ZNF671: variants seen among roughly 807,000 people sequenced by gnomAD.
ZNF671 encodes the protein zinc finger protein 671, also known as hypothetical protein FLJ23506.
Under a neutral mutation model 16.6 loss-of-function variants are expected in ZNF671, and 19 were observed. That is an observed-to-expected ratio of 1.14 (90% CI 0.80 to 1.68). The LOEUF (loss-of-function observed/expected upper bound fraction) is 1.68, where lower values mean the gene tolerates loss of function less well. Ranked by LOEUF, ZNF671 falls within the 40% of genes most tolerant of loss-of-function variation. The pLI is 0.00. For missense variants in ZNF671, 637 were observed against 659.8 expected (o/e 0.97, Z 0.38); for synonymous variants, 238 against 236.3 (o/e 1.01, Z -0.06).
At chr19:57,725,683 T>A (rs1323126856) in intron 1 of ZNF671, among the ~76,000 whole-genome samples, 1 of 151,320 alleles carries the variant, frequency 6.6e-6, no homozygotes, top group Non-Finnish European at 1.5e-5. Flanking sequence ...ACTCTTGTAA[T>A]CCCAGCACTT....
At chr19:57,725,412 C>T (rs1230765722) in intron 1 of ZNF671, among the ~76,000 whole-genome samples, 4 of 151,988 alleles carry the variant, frequency 2.6e-5, no homozygotes, top group Non-Finnish European at 5.9e-5. Context: ...TGCGGTGAGC[C>T]GAGATTGTGC....
rs1308823358 is a variant in ZNF671, at chr19:57,721,308, G to A, written c.778C>T (p.Gln260Ter). 1 of 1,599,602 alleles carries A rather than the reference G, an allele frequency of 6.3e-7. No homozygotes were observed. The highest frequency in any genetic ancestry group is 8.5e-7 in the Non-Finnish European group (1 of 1,171,200). ...GGCTTCATGCTGCTGAGAGAGGCCTGATGCTGAAGAAGGCCAGATGTGGCT... is the reference window on the plus strand; with the variant it reads ...GGCTTCATGCTGCTGAGAGAGGCCTAATGCTGAAGAAGGCCAGATGTGGCT... ...FSATSGLLQH[Q>*]ASLSSMKPHK... The change falls in exon 4 of 4, where the codon CAG becomes TAG. Residue 260 changes from glutamine (Q) to a stop codon, truncating the protein, a stop_gained. Coordinates refer to ENST00000317398, the MANE Select transcript of ZNF671 (RefSeq NM_024833.3). LOFTEE classifies it low-confidence loss of function (END_TRUNC).
intron 1 of ZNF671, 176 bp downstream of exon 1, chr19:57,727,215 C>A: frequency 2.4e-6 from 2 of 839,374 alleles, no homozygotes; most frequent in South Asian, 4.2e-5. Context: ...TCAGCAGCAC[C>A]CCCGAGCCTT....
chr19:57,723,245 C>T lies in ZNF671; in HGVS notation c.234G>A (p.Met78Ile). The part of the protein sequence containing the change: ...DAQRLLYHDV[M>I]LENFALLASL... ...AGGCTAAAAGTGCAAAGTTCTCCAG[C>T]ATCACATCATGGTACAAAAGTCTCT... The change falls in exon 2 of 4, where the codon ATG becomes ATA. Residue 78 changes from methionine (M) to isoleucine (I), a missense_variant. Met to Ile is a conservative substitution (Grantham distance 10, BLOSUM62 1). Transcript: ENST00000317398. 1.9e-6 allele frequency: 3 copies of T among 1,613,344 alleles called. No individual in the cohort carries two copies. The highest frequency in any genetic ancestry group is 2.5e-6 in the Non-Finnish European group (3 of 1,179,510).
At position 57,720,937 on chromosome 19, in the gene ZNF671, A is replaced by G. The variant is rs762538266; in HGVS notation, c.1149T>C (p.Asn383=). 20 of 1,613,856 alleles carry G rather than the reference A, an allele frequency of 1.2e-5. 1 individual carries two copies. Among genetic ancestry groups the G allele is most frequent in the South Asian group, 1.2e-4 (11 of 91,078 alleles). The change falls in exon 4 of 4, where the codon AAT becomes AAC. Residue 383 remains asparagine, a synonymous_variant. Transcript: ENST00000317398. ...TGTGAACTTCCTGGTGTCGAATGAG[A>G]TTAGACTTACTGCTAAAAAATTTCC... ...KCGKFFSSKS[N]LIRHQEVHTG...
Position 57,720,257 on chromosome 19 carries a change from C to T in ZNF671, c.*224G>A, listed in dbSNP as rs140272375. 9.7e-6 allele frequency: 6 copies of T among 621,724 alleles called. No individual in the cohort carries two copies. Among genetic ancestry groups the T allele is most frequent in the African/African-American group, 9.0e-5 (5 of 55,712 alleles). The allele number at this position is 621,724 out of a possible 1,614,324, so 38.5% of individuals were successfully genotyped here. ...TGATGGTTCCCTCCCAATGGCTGCT[C>T]CCAGAGTTCCACTCTAGGGTGAGCT... is the stretch of plus-strand genomic sequence containing the variant. On this transcript the variant is annotated 3_prime_UTR_variant, in exon 4 of 4. Transcript: ENST00000317398.
At chr19:57,723,150 G>T in intron 2 of ZNF671, 64 bp downstream of exon 2, 1 of 1,523,962 alleles carries the variant, frequency 6.6e-7, no homozygotes, top group Non-Finnish European at 8.8e-7. Context: ...TGAAGGAAGC[G>T]GTGCTCATGA....
chr19:57,722,244 T>C, intron 3 of ZNF671, 72 bp downstream of exon 3: 1 of 1,585,198 alleles, frequency 6.3e-7, no homozygotes, highest in East Asian at 2.2e-5. Flanking sequence ...AAACAAACAC[T>C]GATGTGAACA....
At position 57,720,595 on chromosome 19, in the gene ZNF671, G is replaced by A; in HGVS notation, c.1491C>T (p.His497=). The A allele has an allele frequency of 5.6e-6, 9 of 1,614,102 alleles. No homozygotes were observed. Among genetic ancestry groups the A allele is most frequent in the Non-Finnish European group, 7.6e-6 (9 of 1,180,034 alleles). Residue 497 remains histidine (H), a synonymous_variant, in exon 4 of 4, where the codon CAC becomes CAT. Transcript: ENST00000317398. ...AFTQRPNLIR[H]WKVHTGERPY... is the part of the protein sequence containing the mutation. ...GCCTTTCCCCAGTGTGGACTTTCCA[G>A]TGCCTGATGAGGTTGGGTCTTTGAG...
At chr19:57,727,159 C>G (rs2122474617) in intron 1 of ZNF671, 1 of 437,546 alleles carries the variant, frequency 2.3e-6, no homozygotes, top group Non-Finnish European at 4.0e-6. Flanking sequence ...GTTCCTCAAA[C>G]TCTGCTCTGT....
intron 1 of ZNF671, among the ~76,000 whole-genome samples, chr19:57,726,662 T>C (rs1986059322): frequency 6.6e-6 from 1 of 152,066 alleles, no homozygotes; most frequent in Admixed American, 6.6e-5. Flanking sequence ...ACCCCAAAGA[T>C]ATTCTAAGCC....
Position 57,727,589 on chromosome 19 carries a change from C to T in ZNF671, c.-61G>A. On this transcript the variant is annotated 5_prime_UTR_variant, in exon 1 of 4. Transcript: ENST00000317398. ...CCACACAAGCGTTACAGAACCCCGG[C>T]CAGGGACAGCCTGACAGAAACAAAA... 1.9e-5 allele frequency: 30 copies of T among 1,547,896 alleles called. No individual in the cohort carries two copies. The highest frequency in any genetic ancestry group is 2.6e-5 in the Non-Finnish European group (30 of 1,140,422).
At chr19:57,726,130 C>T (rs1986041277) in intron 1 of ZNF671, among the ~76,000 whole-genome samples, 1 of 136,034 alleles carries the variant, frequency 7.4e-6, no homozygotes, top group African/African-American at 2.8e-5. Context: ...CCCACCCCAC[C>T]CCTCCCACCT....
At chr19:57,726,113 TCCCCACCCCA>T (rs1257379881) in intron 1 of ZNF671, among the ~76,000 whole-genome samples, 8 of 12,362 alleles carry the variant, frequency 6.5e-4, no homozygotes, top group Non-Finnish European at 1.3e-3. Context: ...CCCTCCCACC[TCCCCACCCCA>T]CCCCACCCCT....
chr19:57,723,490 T>A (rs1490612675), intron 1 of ZNF671, 150 bp from the exon 2 acceptor site: 7 of 865,308 alleles, frequency 8.1e-6, no homozygotes, highest in Non-Finnish European at 1.2e-5. Flanking sequence ...TCTCTCCTGA[T>A]CACCCCAGCA....
At position 57,721,753 on chromosome 19, in the gene ZNF671, C is replaced by T. The variant is rs531031916; in HGVS notation, c.389-56G>A. The T allele has an allele frequency of 2.1e-4, 328 of 1,569,502 alleles. 3 individuals are homozygous for T. The East Asian group carries it at 4.3e-3, about 20-fold the overall frequency. ...ATATTTACGGGTGGGAAGGGGCAAC[C>T]TCATTGTATATGTGCATTTGACACA... On this transcript the variant is annotated intron_variant, in intron 3 of 3. Coordinates refer to ENST00000317398, the MANE Select transcript of ZNF671 (RefSeq NM_024833.3).
rs572401763 is a variant in ZNF671 at position 57,720,010 on chromosome 19, A to G, written c.*471T>C. ...AGACCACTCACAACACCTTTTAGGG[A>G]CTGGGGAGAGAAGAGAGGTCTGCCC... On this transcript the variant is annotated 3_prime_UTR_variant, in exon 4 of 4. Transcript: ENST00000317398. 38 of 167,986 alleles carry G rather than the reference A, an allele frequency of 2.3e-4. No individual in the cohort carries two copies. The highest frequency in any genetic ancestry group is 3.6e-4 in the Non-Finnish European group (27 of 75,490). The allele number at this position is 167,986 out of a possible 1,614,324, so 10.4% of individuals were successfully genotyped here. A position where few individuals can be genotyped will look rare whatever the true frequency, so the allele number is the denominator to read the frequency against.
chr19:57,725,325 G>T (rs1403808744), intron 1 of ZNF671, among the ~76,000 whole-genome samples: 2 of 151,978 alleles, frequency 1.3e-5, no homozygotes, highest in African/African-American at 4.8e-5. Context: ...AATTAGCTGG[G>T]CGTGGTGGCG....
At chr19:57,725,933 CA>C (rs138862625) in intron 1 of ZNF671, among the ~76,000 whole-genome samples, 22,383 of 148,824 alleles carry the variant, frequency 0.15, 1,687 homozygotes, top group African/African-American at 0.16. Context: ...GACTCGTCTC[CA>C]AAAAAAAAAT....
Sources: gnomAD v4.1 joint callset for allele counts (sites outside exome capture counted in the v4.1 genomes callset) on GRCh38, gnomAD v4.1.1 for gene constraint, MANE v1.5 for transcripts, NCBI Gene and HGNC (gene_info 2026-07-23, HGNC 2026-07-21) for gene names.